Variants in CPZ observed in about 807,000 individuals in gnomAD.
CPZ encodes the protein VEZT/CPZ fusion.
A neutral mutation model predicts 61.8 loss-of-function variants in CPZ; 103 were observed. That is an observed-to-expected ratio of 1.67 (90% CI 1.42 to 1.96). The LOEUF (loss-of-function observed/expected upper bound fraction) is 1.96, where lower values mean the gene tolerates loss of function less well. CPZ is among the 30% of genes most tolerant of loss of function. The pLI, the probability that CPZ is intolerant of heterozygous loss-of-function variation, is 0.00. For missense variants in CPZ, 1,461 were observed against 914.9 expected (o/e 1.60, Z -7.70); for synonymous variants, 551 against 373.7 (o/e 1.47, Z -5.47).
rs962197798 is a variant in CPZ, at chr4:8,601,072, AC to A, written c.122-50del. On this transcript the variant is annotated intron_variant, in intron 2 of 10. Coordinates refer to ENST00000360986, the MANE Select transcript of CPZ (RefSeq NM_001014447.3). ...CCCCTACGTAAATGTCTGATGCGTGACGGTCAGGGCCACTGCAGGAGGGACT... is the reference window on the plus strand; with the variant it reads ...CCCCTACGTAAATGTCTGATGCGTGAGGTCAGGGCCACTGCAGGAGGGACT... The A allele has an allele frequency of 9.2e-6, 14 of 1,515,926 alleles. No homozygotes were observed. The African/African-American group carries it at 1.8e-4, about 19-fold the overall frequency. 93.9% of individuals were successfully genotyped at this position (1,515,926 alleles called of 1,614,324 possible).
At chr4:8,599,738 C>G (rs1309464315) in intron 2 of CPZ, 4 of 809,442 alleles carry the variant, frequency 4.9e-6, no homozygotes, top group Non-Finnish European at 7.3e-6. Flanking sequence ...GATGTCCTCT[C>G]CATCCCTCTC....
chr4:8,609,260 T>C (rs574017589), intron 7 of CPZ, among the ~76,000 whole-genome samples: 5 of 151,172 alleles, frequency 3.3e-5, no homozygotes, highest in African/African-American at 9.8e-5. Context: ...CACTCACTCA[T>C]TCTCTTATTC....
At chr4:8,618,367 C>CG (rs898225087) in intron 9 of CPZ, 62 bp from the exon 10 acceptor site, 23 of 1,516,230 alleles carry the variant, frequency 1.5e-5, no homozygotes, top group Non-Finnish European at 1.8e-5. Flanking sequence ...AACGAGCTGA[C>CG]GGCCTCCACG....
intron 3 of CPZ, 69 bp downstream of exon 3, chr4:8,601,566 C>G (rs969675344): frequency 2.8e-5 from 39 of 1,388,550 alleles, no homozygotes; most frequent in Non-Finnish European, 3.5e-5. Context: ...AAGAGCCACA[C>G]TGGAAGGAAC....
chr4:8,605,419 CTCA>C (rs963380113), intron 4 of CPZ, among the ~76,000 whole-genome samples: 4 of 151,062 alleles, frequency 2.6e-5, no homozygotes, highest in African/African-American at 4.9e-5. Flanking sequence ...CATCCATCCA[CTCA>C]TCATCCATCC....
In CPZ at chr4:8,611,951, C is replaced by G; in HGVS notation, c.1228-76C>G. The G allele has an allele frequency of 5.0e-6, 8 of 1,605,896 alleles. No individual in the cohort carries two copies. The South Asian group carries it at 8.9e-5, about 18-fold the overall frequency. On this transcript the variant is annotated intron_variant, in intron 7 of 10. Transcript: ENST00000360986. ...ATGCAGGTGTTTGCACGCGCAGCTC[C>G]TCCCCTCATTGACCCCAGCTCACAG...
intron 3 of CPZ, chr4:8,603,700 C>A (rs1270034637): frequency 3.7e-6 from 2 of 533,788 alleles, no homozygotes; most frequent in African/African-American, 1.9e-5. Context: ...TGTTGTCCTG[C>A]TCCGTATTTT....
rs368153695 is a variant in CPZ at position 8,599,450 on chromosome 4, C to T, written c.89-3C>T. ...CCTAACAGTGCCATGTCTCTCTTTC[C>T]AGGTGAATGCCACAGGCCACCAGCT... On this transcript the variant is annotated splice_region_variant and splice_polypyrimidine_tract_variant and intron_variant, in intron 1 of 10. Coordinates refer to ENST00000360986, the MANE Select transcript of CPZ (RefSeq NM_001014447.3). The T allele has an allele frequency of 6.8e-5, 109 of 1,609,268 alleles. No homozygotes were observed. Among genetic ancestry groups the T allele is most frequent in the Middle Eastern group, 1.7e-4 (1 of 6,054 alleles).
intron 7 of CPZ, among the ~76,000 whole-genome samples, chr4:8,609,077 CATA>C (rs1715324417): frequency 6.1e-5 from 1 of 16,410 alleles, no homozygotes; most frequent in Non-Finnish European, 1.5e-4. Context: ...ACTCACCACT[CATA>C]CATTCACCCA....
chr4:8,612,205 G>GGGGGGGGGGGGGT, intron 8 of CPZ, 43 bp downstream of exon 8: 1 of 202,856 alleles, frequency 4.9e-6, no homozygotes, highest in Non-Finnish European at 9.6e-6. Context: ...GGTGGGGGGT[G>GGGGGGGGGGGGGT]CAGGGGCTGG....
chr4:8,600,923 G>A, intron 2 of CPZ, 200 bp from the exon 3 acceptor site: 1 of 1,288,462 alleles, frequency 7.8e-7, no homozygotes, highest in Non-Finnish European at 9.8e-7. Flanking sequence ...GTTGAATCTG[G>A]TTGGTCTTAG....
At chr4:8,616,406 T>G (rs1716165086) in intron 9 of CPZ, among the ~76,000 whole-genome samples, 1 of 152,130 alleles carries the variant, frequency 6.6e-6, no homozygotes. Flanking sequence ...TGCAGGCTGA[T>G]GCTGAGGGCC....
At chr4:8,593,015 C>G in intron 1 of CPZ, 94 bp downstream of exon 1, 1 of 978,236 alleles carries the variant, frequency 1.0e-6, no homozygotes, top group South Asian at 1.6e-5. Flanking sequence ...GAGCTTTCTT[C>G]CAGTAGGTCA....
intron 9 of CPZ, among the ~76,000 whole-genome samples, chr4:8,617,222 G>A (rs116750471): frequency 0.037 from 5,566 of 152,290 alleles, 139 homozygotes; most frequent in Non-Finnish European, 0.05. Context: ...TGAAATCATC[G>A]GTCCTGCAGA....
At chr4:8,606,640 C>G in intron 5 of CPZ, 97 bp from the exon 6 acceptor site, 2 of 1,494,892 alleles carry the variant, frequency 1.3e-6, no homozygotes, top group Non-Finnish European at 1.9e-6. Flanking sequence ...AAACCGCAGC[C>G]CCTGGCCTTG....
Position 8,613,720 on chromosome 4 carries a change from C to T in CPZ, c.1364-639C>T, listed in dbSNP as rs188105174. The stretch of plus-strand genomic sequence containing the variant: ...GAGCAGATGGCACAGAGGGCAGAAG[C>T]GGGTATGGCTGGGGTCGACCCAGCT... On this transcript the variant is annotated intron_variant, in intron 8 of 10. Coordinates refer to ENST00000360986, the MANE Select transcript of CPZ (RefSeq NM_001014447.3). Among the ~76,000 whole-genome samples, 30 of 152,332 alleles carry T rather than the reference C, an allele frequency of 2.0e-4. No individual in the cohort carries two copies. The East Asian group carries it at 4.1e-3, about 21-fold the overall frequency.
intron 2 of CPZ, among the ~76,000 whole-genome samples, chr4:8,600,519 G>A (rs1432007122): frequency 6.6e-6 from 1 of 152,182 alleles, no homozygotes; most frequent in Non-Finnish European, 1.5e-5. Context: ...TTAAAGATGG[G>A]GCTTTTGGAG....
chr4:8,599,544 G>T, intron 2 of CPZ, 59 bp downstream of exon 2: 1 of 1,604,622 alleles, frequency 6.2e-7, no homozygotes, highest in Admixed American at 1.7e-5. Context: ...CCCCCACACT[G>T]TCAGAGCACT....
rs529756948 is a variant in CPZ, at chr4:8,601,401, G to A, written c.400G>A (p.Asp134Asn). ...GCGGGAGGTCTGCCAGCCCGCCTTC[G>A]ACGCCATTGACATGGCCTGGCCCTA... is the stretch of plus-strand genomic sequence containing the variant. Reference protein sequence around the residue: ...GLREVCQPAFDAIDMAWPYFL... With the variant: ...GLREVCQPAFNAIDMAWPYFL... Residue 134 changes from aspartate (D) to asparagine (N), a missense_variant, in exon 3 of 11, where the codon GAC (aspartate) becomes AAC (asparagine). Transcript: ENST00000360986. 6.3e-6 allele frequency: 10 copies of A among 1,589,612 alleles called. No individual in the cohort carries two copies. The highest frequency in any genetic ancestry group is 1.3e-5 in the African/African-American group (1 of 74,504).
Sources: gnomAD v4.1 joint callset for allele counts (sites outside exome capture counted in the v4.1 genomes callset) on GRCh38, gnomAD v4.1.1 for gene constraint, MANE v1.5 for transcripts, NCBI Gene and HGNC (gene_info 2026-07-23, HGNC 2026-07-21) for gene names.